Variants in DYNC2LI1 observed in about 807,000 individuals in gnomAD.
The protein encoded by DYNC2LI1 is dynein cytoplasmic 2 light intermediate chain 1.
Under a neutral mutation model 51.9 loss-of-function variants are expected in DYNC2LI1, and 45 were observed. That is an observed-to-expected ratio of 0.87 (90% CI 0.68 to 1.11). The LOEUF is 1.11. Ranked by LOEUF, DYNC2LI1 falls within the 50% of genes most tolerant of loss-of-function variation. The probability of loss-of-function intolerance (pLI) is 0.00; values close to 1 mark genes in which losing one functional copy is unlikely to be tolerated. For synonymous variants in DYNC2LI1, 130 were observed against 137.8 expected, an observed-to-expected ratio of 0.94 and a Z score of 0.40; for missense variants, 490 against 417.4, an observed-to-expected ratio of 1.17 and a Z score of -1.51.
chr2:43,819,936 A>G, the DYNC2LI1 span: 33 of 1,614,206 alleles, frequency 2.0e-5, no homozygotes, highest in Non-Finnish European at 2.8e-5. Flanking sequence ...AGATCCAACA[A>G]GCACCCCCGC....
At chr2:43,828,032 C>A in the DYNC2LI1 span, 3 of 1,614,140 alleles carry the variant, frequency 1.9e-6, no homozygotes, top group African/African-American at 1.3e-5. Context: ...GCCGCTCACC[C>A]GTGGAAATGC....
intron 8 of DYNC2LI1, among the ~76,000 whole-genome samples, chr2:43,797,085 T>G (rs956890396): frequency 6.6e-6 from 1 of 152,224 alleles, no homozygotes; most frequent in African/African-American, 2.4e-5. Context: ...TCATTTTTGG[T>G]ATCCCCTTAA....
Position 43,809,949 on chromosome 2 carries a change from T to G in DYNC2LI1, c.*182T>G, listed in dbSNP as rs1666421741. 1 of 1,330,570 alleles carries G rather than the reference T, an allele frequency of 7.5e-7. No homozygotes were observed. The highest frequency in any genetic ancestry group is 1.5e-5 in the African/African-American group (1 of 66,444). 82.4% of individuals were successfully genotyped at this position (1,330,570 alleles called of 1,614,324 possible). On this transcript the variant is annotated 3_prime_UTR_variant, in exon 13 of 13. Transcript: ENST00000260605. ...TCTTGAAGCTTTTTAAAAGGAAAAATTATTGTAGAACCACGTGTAATTTTT... is the reference window on the plus strand; with the variant it reads ...TCTTGAAGCTTTTTAAAAGGAAAAAGTATTGTAGAACCACGTGTAATTTTT...
chr2:43,813,138 C>A, downstream of DYNC2LI1: 1 of 1,378,712 alleles, frequency 7.3e-7, no homozygotes, highest in Non-Finnish European at 1.0e-6. Context: ...GAGATGATCC[C>A]TTATTTTGAA....
intron 10 of DYNC2LI1, 41 bp from the exon 11 acceptor site, chr2:43,804,601 T>G (rs1381349994): frequency 7.9e-7 from 1 of 1,270,036 alleles, no homozygotes; most frequent in African/African-American, 1.5e-5. Context: ...TTGTAATATT[T>G]TAATCATTGC....
At chr2:43,825,522 C>G in the DYNC2LI1 span, among the ~76,000 whole-genome samples, 1 of 152,156 alleles carries the variant, frequency 6.6e-6, no homozygotes. Flanking sequence ...GCCTTTGAAG[C>G]CAACTTGGCT....
At chr2:43,822,906 C>T in the DYNC2LI1 span, 5 of 1,614,130 alleles carry the variant, frequency 3.1e-6, no homozygotes, top group Non-Finnish European at 3.4e-6. Context: ...TCCTGACTCT[C>T]CTGGTCGCTG....
downstream of DYNC2LI1, chr2:43,813,279 G>A (rs773426923): frequency 1.2e-6 from 2 of 1,613,742 alleles, no homozygotes; most frequent in Non-Finnish European, 8.5e-7. Flanking sequence ...GGCACACATT[G>A]GATTAGTTGT....
the DYNC2LI1 span, chr2:43,822,466 C>G: frequency 2.6e-4 from 199 of 767,568 alleles, no homozygotes; most frequent in Non-Finnish European, 2.8e-4. Flanking sequence ...GCTGCTTTCT[C>G]CCCTCCCCCA....
intron 8 of DYNC2LI1, 105 bp downstream of exon 8, chr2:43,796,900 C>T (rs775716500): frequency 4.7e-6 from 4 of 858,132 alleles, no homozygotes; most frequent in African/African-American, 1.7e-5. Context: ...TGCTAATGCA[C>T]ATGGTCCCGT....
chr2:43,817,336 T>G, the DYNC2LI1 span, among the ~76,000 whole-genome samples: 1 of 151,678 alleles, frequency 6.6e-6, no homozygotes, highest in Non-Finnish European at 1.5e-5. Flanking sequence ...AATACAAAAA[T>G]TAGCTGGGCG....
intron 2 of DYNC2LI1, among the ~76,000 whole-genome samples, chr2:43,782,107 C>T (rs555436578): frequency 1.3e-4 from 20 of 151,656 alleles, no homozygotes; most frequent in Admixed American, 1.1e-3. Flanking sequence ...GAATGTTTTA[C>T]TATGTCAGTA....
intron 10 of DYNC2LI1, among the ~76,000 whole-genome samples, chr2:43,802,958 C>T (rs1666122867): frequency 6.6e-6 from 1 of 152,042 alleles, no homozygotes; most frequent in African/African-American, 2.4e-5. Flanking sequence ...CAAATTGAAA[C>T]CACAATGAAA....
intron 4 of DYNC2LI1, among the ~76,000 whole-genome samples, chr2:43,789,242 C>T (rs1673665865): frequency 6.6e-6 from 1 of 152,152 alleles, no homozygotes; most frequent in African/African-American, 2.4e-5. Flanking sequence ...TTTTCCTATT[C>T]ACCTGTTTTA....
intron 12 of DYNC2LI1, among the ~76,000 whole-genome samples, chr2:43,806,073 G>T (rs1028806842): frequency 6.6e-6 from 1 of 151,756 alleles, no homozygotes; most frequent in Admixed American, 6.6e-5. Context: ...TAGTAGAAAC[G>T]GGGTTTCACC....
intron 1 of DYNC2LI1, among the ~76,000 whole-genome samples, chr2:43,776,196 T>TTAGTAG (rs528501797): frequency 6.6e-6 from 1 of 151,840 alleles, no homozygotes; most frequent in Non-Finnish European, 1.5e-5. Context: ...TGCTAATTTA[T>TTAGTAG]TAGTAGTAGT....
downstream of DYNC2LI1, chr2:43,810,280 T>A: frequency 1.2e-6 from 1 of 814,226 alleles, no homozygotes; most frequent in Non-Finnish European, 1.5e-6. Flanking sequence ...ACCTAGAGTG[T>A]CGCCATCAGT....
chr2:43,820,157 A>ACTGCACT, the DYNC2LI1 span: 1 of 1,552,922 alleles, frequency 6.4e-7, no homozygotes, highest in East Asian at 2.4e-5. Flanking sequence ...TAAGAAAAAT[A>ACTGCACT]CTGCACTTGC....
chr2:43,822,483 C>G, the DYNC2LI1 span: 8 of 906,684 alleles, frequency 8.8e-6, no homozygotes, highest in South Asian at 2.6e-4. Flanking sequence ...CCCAGGCCCC[C>G]CCCCATGCAC....
Sources: gnomAD v4.1 joint callset for allele counts (sites outside exome capture counted in the v4.1 genomes callset) on GRCh38, gnomAD v4.1.1 for gene constraint, MANE v1.5 for transcripts, NCBI Gene and HGNC (gene_info 2026-07-23, HGNC 2026-07-21) for gene names.